CNTNAP2: variants seen among roughly 807,000 people sequenced by gnomAD.
CNTNAP2 encodes the protein contactin associated protein 2.
In CNTNAP2, 98 loss-of-function variants were observed where a neutral mutation model predicts 155.2. That is an observed-to-expected ratio of 0.63 (90% confidence interval 0.54 to 0.75). The LOEUF is 0.75. Among genes scored for constraint, CNTNAP2 ranks in the 30% least tolerant of loss-of-function variants. The pLI is 0.00. For missense variants in CNTNAP2, 1,727 were observed against 1,688.1 expected (o/e 1.02, Z -0.40); for synonymous variants, 651 against 631.2 (o/e 1.03, Z -0.47).
intron 11 of CNTNAP2, among the ~76,000 whole-genome samples, chr7:147,510,869 A>ATATATATATATATATATATATATG (rs1279688720): frequency 2.8e-5 from 4 of 143,630 alleles, no homozygotes; most frequent in African/African-American, 1.1e-4. Flanking sequence ...ATATATATAT[A>ATATATATATATATATATATATATG]TAATGCTTCC....
intron 2 of CNTNAP2, among the ~76,000 whole-genome samples, chr7:146,838,146 T>G: frequency 6.6e-6 from 1 of 152,180 alleles, no homozygotes; most frequent in East Asian, 1.9e-4. Context: ...ATGACACTAC[T>G]GCACTGCTGA....
chr7:148,327,034 G>A (rs192253713), intron 21 of CNTNAP2, among the ~76,000 whole-genome samples: 267 of 152,234 alleles, frequency 1.8e-3, no homozygotes, highest in African/African-American at 6.1e-3. Flanking sequence ...CAACGGGCTC[G>A]CAGTGGCTTT....
At chr7:146,663,296 A>G (rs1585031012) in intron 1 of CNTNAP2, among the ~76,000 whole-genome samples, 1 of 88,954 alleles carries the variant, frequency 1.1e-5, no homozygotes, top group South Asian at 4.0e-4. Context: ...AAAAAAAAAA[A>G]AAGAAAGAAA....
At chr7:147,351,289 T>G (rs1467221659) in intron 9 of CNTNAP2, among the ~76,000 whole-genome samples, 1 of 151,788 alleles carries the variant, frequency 6.6e-6, no homozygotes, top group Non-Finnish European at 1.5e-5. Flanking sequence ...GCTTATAAAT[T>G]TGTATATATT....
At chr7:147,266,395 G>A (rs1380037149) in intron 8 of CNTNAP2, among the ~76,000 whole-genome samples, 1 of 152,218 alleles carries the variant, frequency 6.6e-6, no homozygotes, top group African/African-American at 2.4e-5. Flanking sequence ...GCAAAAAGTT[G>A]TAGAGGCAGC....
chr7:147,054,119 T>C (rs1799518646), intron 4 of CNTNAP2, among the ~76,000 whole-genome samples: 1 of 152,146 alleles, frequency 6.6e-6, no homozygotes, highest in Non-Finnish European at 1.5e-5. Context: ...TCTTCACCCG[T>C]AAGGGCTTTT....
intron 14 of CNTNAP2, among the ~76,000 whole-genome samples, chr7:147,924,143 C>CTTTCTTT (rs1554450281): frequency 6.5e-5 from 8 of 123,488 alleles, no homozygotes; most frequent in African/African-American, 2.5e-4. Context: ...CTTTTCTTTT[C>CTTTCTTT]TTTTTTTTTT....
chr7:147,895,741 G>A (rs534165793), intron 13 of CNTNAP2, among the ~76,000 whole-genome samples: 1 of 152,254 alleles, frequency 6.6e-6, no homozygotes, highest in African/African-American at 2.4e-5. Flanking sequence ...GCTAAAAGTA[G>A]CATTTCATTA....
At chr7:146,969,101 T>C (rs1202338627) in intron 3 of CNTNAP2, among the ~76,000 whole-genome samples, 1 of 150,796 alleles carries the variant, frequency 6.6e-6, no homozygotes, top group Non-Finnish European at 1.5e-5. Flanking sequence ...GTTGTTCAGT[T>C]TCCATGTAGT....
chr7:147,993,010 A>G (rs1038922959), intron 15 of CNTNAP2, among the ~76,000 whole-genome samples: 5 of 152,222 alleles, frequency 3.3e-5, no homozygotes, highest in African/African-American at 1.2e-4. Flanking sequence ...ATGGCCTTTC[A>G]TTTCACAGAA....
intron 1 of CNTNAP2, among the ~76,000 whole-genome samples, chr7:146,535,553 C>A (rs1020870448): frequency 1.4e-5 from 2 of 147,602 alleles, no homozygotes; most frequent in South Asian, 2.1e-4. Context: ...CTTTCTAATT[C>A]GTATTTTTTA....
At chr7:146,935,808 G>A (rs905809289) in intron 3 of CNTNAP2, among the ~76,000 whole-genome samples, 2 of 152,140 alleles carry the variant, frequency 1.3e-5, no homozygotes, top group African/African-American at 2.4e-5. Context: ...ACTTAATCAA[G>A]CGAGTAAACT....
At chr7:148,305,713 A>G (rs181270803) in intron 21 of CNTNAP2, among the ~76,000 whole-genome samples, 30 of 152,304 alleles carry the variant, frequency 2.0e-4, no homozygotes, top group Admixed American at 1.7e-3. Context: ...AGATCTCTTG[A>G]GAACCCACTC....
intron 13 of CNTNAP2, among the ~76,000 whole-genome samples, chr7:147,902,998 G>A (rs1463181419): frequency 1.3e-5 from 2 of 150,016 alleles, no homozygotes; most frequent in Admixed American, 6.7e-5. Context: ...TCCATTTGTG[G>A]GACTGCTGGA....
At chr7:147,436,034 T>G (rs373928503) in intron 10 of CNTNAP2, among the ~76,000 whole-genome samples, 1 of 152,310 alleles carries the variant, frequency 6.6e-6, no homozygotes, top group South Asian at 2.1e-4. Flanking sequence ...TCCCAATTTA[T>G]CATTTAAACG....
intron 12 of CNTNAP2, among the ~76,000 whole-genome samples, chr7:147,603,071 A>T (rs2116863790): frequency 6.6e-6 from 1 of 151,960 alleles, no homozygotes; most frequent in South Asian, 2.1e-4. Flanking sequence ...ACTGACTTCC[A>T]CAATGGTTGA....
rs111776763 is a variant in CNTNAP2 at position 148,334,823 on chromosome 7, C to T, written c.3476-48826C>T. ...GAACTCCAGCAATCATTGGGGGAGA[C>T]TTTGGGAGAGTGGAGAGAAGGGGCC... is the stretch of plus-strand genomic sequence containing the variant. On this transcript the variant is annotated intron_variant, in intron 21 of 23. Transcript: ENST00000361727. Among the ~76,000 whole-genome samples, 361 of 152,264 alleles carry T rather than the reference C, an allele frequency of 2.4e-3. 1 individual carries two copies. The highest frequency in any genetic ancestry group is 8.5e-3 in the African/African-American group (353 of 41,564).
chr7:146,332,674 A>C (rs147431302), intron 1 of CNTNAP2, among the ~76,000 whole-genome samples: 2 of 152,316 alleles, frequency 1.3e-5, no homozygotes, highest in Admixed American at 6.5e-5. Flanking sequence ...TCCATTGTCT[A>C]TAAACAATGA....
At chr7:148,332,161 C>G (rs1534706) in intron 21 of CNTNAP2, among the ~76,000 whole-genome samples, 57,818 of 140,188 alleles carry the variant, frequency 0.41, 11,770 homozygotes, top group African/African-American at 0.54. Context: ...ACAAACTGAG[C>G]GGACAAAAAA....
Sources: allele counts gnomAD v4.1 joint callset (sites outside exome capture counted in the v4.1 genomes callset), GRCh38; gene constraint gnomAD v4.1.1; transcripts MANE v1.5; gene names NCBI Gene and HGNC (gene_info 2026-07-23, HGNC 2026-07-21).